Variants in LHFPL3 observed in about 807,000 individuals in gnomAD.
LHFPL3 encodes the protein LHFPL tetraspan subfamily member 3.
In LHFPL3, 5 loss-of-function variants were observed where a neutral mutation model predicts 19.3. That is an observed-to-expected ratio of 0.26 (90% CI 0.14 to 0.54). The LOEUF is 0.54. Ranked by LOEUF, LHFPL3 falls within the 20% of genes least tolerant of loss-of-function variation. LHFPL3 has a pLI of 0.94. For missense variants in LHFPL3, 249 were observed against 307.4 expected (o/e 0.81, Z 1.42); for synonymous variants, 133 against 126.2 (o/e 1.05, Z -0.36).
chr7:104,361,238 C>G (rs1453791534), intron 1 of LHFPL3, among the ~76,000 whole-genome samples: 1 of 152,170 alleles, frequency 6.6e-6, no homozygotes, highest in East Asian at 1.9e-4. Context: ...GTAGCATCAT[C>G]CCCTTTTAAG....
At chr7:104,401,394 A>G (rs562039021) in intron 1 of LHFPL3, among the ~76,000 whole-genome samples, 38 of 152,246 alleles carry the variant, frequency 2.5e-4, no homozygotes, top group Non-Finnish European at 5.0e-4. Context: ...AGTATTTAGC[A>G]TCACATTTAA....
At chr7:104,807,437 A>C (rs1446183407) in intron 2 of LHFPL3, among the ~76,000 whole-genome samples, 1 of 152,190 alleles carries the variant, frequency 6.6e-6, no homozygotes, top group Non-Finnish European at 1.5e-5. Context: ...CAGTTGTTTA[A>C]GCCACACCGT....
chr7:104,879,669 G>T (rs1462975052), intron 2 of LHFPL3, among the ~76,000 whole-genome samples: 1 of 152,184 alleles, frequency 6.6e-6, no homozygotes, highest in Admixed American at 6.5e-5. Context: ...AGGCCACAGT[G>T]AACTATGTGT....
chr7:104,415,827 G>A (rs1047543302), intron 1 of LHFPL3, among the ~76,000 whole-genome samples: 1 of 152,144 alleles, frequency 6.6e-6, no homozygotes, highest in Non-Finnish European at 1.5e-5. Flanking sequence ...TGTTCGGAAG[G>A]GCTATAGTTG....
intron 1 of LHFPL3, among the ~76,000 whole-genome samples, chr7:104,683,738 C>A (rs1191389964): frequency 6.6e-6 from 1 of 152,158 alleles, no homozygotes; most frequent in African/African-American, 2.4e-5. Flanking sequence ...AATAGTATCA[C>A]CAATTTACAA....
intron 1 of LHFPL3, among the ~76,000 whole-genome samples, chr7:104,367,062 T>C (rs1357890309): frequency 1.3e-5 from 2 of 152,202 alleles, no homozygotes; most frequent in African/African-American, 4.8e-5. Context: ...CCGGACTGCA[T>C]GGGGCCCTCT....
chr7:104,603,066 TTTTCTTTCTTTCTTTCTTTCTTTC>T (rs373564018), intron 1 of LHFPL3, among the ~76,000 whole-genome samples: 2,331 of 108,876 alleles, frequency 0.021, 28 homozygotes, highest in South Asian at 0.029. Context: ...CTTTCTTTCT[TTTTCTTTCTTTCTTTCTTTCTTTC>T]TTTCTTTCTT....
intron 1 of LHFPL3, among the ~76,000 whole-genome samples, chr7:104,736,121 A>G (rs1471565965): frequency 6.6e-6 from 1 of 152,230 alleles, no homozygotes; most frequent in African/African-American, 2.4e-5. Context: ...TCCATACCAG[A>G]AAAACAAAGA....
At chr7:104,901,939 C>A (rs898902418) in intron 2 of LHFPL3, among the ~76,000 whole-genome samples, 1 of 152,042 alleles carries the variant, frequency 6.6e-6, no homozygotes, top group African/African-American at 2.4e-5. Context: ...AATTTTATAC[C>A]CTAGACACTC....
chr7:104,566,067 G>T (rs1297056629), intron 1 of LHFPL3, among the ~76,000 whole-genome samples: 3 of 152,076 alleles, frequency 2.0e-5, no homozygotes, highest in Non-Finnish European at 4.4e-5. Context: ...CCTTCTCATG[G>T]CTGGGCATGA....
chr7:104,460,312 C>A (rs995141900), intron 1 of LHFPL3, among the ~76,000 whole-genome samples: 2 of 152,118 alleles, frequency 1.3e-5, no homozygotes, highest in Non-Finnish European at 2.9e-5. Context: ...AGTGAACATT[C>A]ACATGTGTGT....
At chr7:104,639,115 T>C (rs1416088000) in intron 1 of LHFPL3, among the ~76,000 whole-genome samples, 1 of 152,106 alleles carries the variant, frequency 6.6e-6, no homozygotes, top group African/African-American at 2.4e-5. Flanking sequence ...TTTTGAGAAT[T>C]TTTACATCAA....
chr7:104,704,763 G>A (rs964725068), intron 1 of LHFPL3, among the ~76,000 whole-genome samples: 3 of 151,908 alleles, frequency 2.0e-5, no homozygotes, highest in South Asian at 4.1e-4. Context: ...AGCCTCCCAT[G>A]TAGCTGGGAC....
At chr7:104,560,834 C>T (rs1347513465) in intron 1 of LHFPL3, among the ~76,000 whole-genome samples, 1 of 149,672 alleles carries the variant, frequency 6.7e-6, no homozygotes, top group African/African-American at 2.5e-5. Flanking sequence ...TATAAATTTC[C>T]CTCTACACAT....
chr7:104,377,892 T>C (rs1189338804), intron 1 of LHFPL3, among the ~76,000 whole-genome samples: 1 of 152,246 alleles, frequency 6.6e-6, no homozygotes, highest in East Asian at 1.9e-4. Flanking sequence ...TTTGCTTGCC[T>C]GTGGCTTCTT....
intron 1 of LHFPL3, among the ~76,000 whole-genome samples, chr7:104,391,616 T>C (rs926693261): frequency 6.6e-6 from 1 of 152,168 alleles, no homozygotes; most frequent in Non-Finnish European, 1.5e-5. Flanking sequence ...AGTCAGGTAG[T>C]GTGACGCCTC....
chr7:104,671,525 G>A (rs1207682599), intron 1 of LHFPL3, among the ~76,000 whole-genome samples: 1 of 146,996 alleles, frequency 6.8e-6, no homozygotes, highest in South Asian at 2.1e-4. Context: ...CATCCTTTGG[G>A]TTGTGGGTTT....
At chr7:104,628,640 T>C (rs1441238707) in intron 1 of LHFPL3, among the ~76,000 whole-genome samples, 2 of 152,230 alleles carry the variant, frequency 1.3e-5, no homozygotes, top group Non-Finnish European at 2.9e-5. Context: ...AGATTTTGCA[T>C]GTGCAGAATG....
At chr7:104,564,986 A>T (rs1411063763) in intron 1 of LHFPL3, among the ~76,000 whole-genome samples, 1 of 152,238 alleles carries the variant, frequency 6.6e-6, no homozygotes, top group Non-Finnish European at 1.5e-5. Context: ...TGATCCTGAA[A>T]TGTAAGCCAA....
Sources: allele counts gnomAD v4.1 joint callset (sites outside exome capture counted in the v4.1 genomes callset), GRCh38; gene constraint gnomAD v4.1.1; transcripts MANE v1.5; gene names NCBI Gene and HGNC (gene_info 2026-07-23, HGNC 2026-07-21).